Variants in COMP observed in about 807,000 individuals in gnomAD.
COMP encodes the protein cartilage oligomeric matrix protein (pseudoachondroplasia, epiphyseal dysplasia 1, multiple).
A neutral mutation model predicts 95.8 loss-of-function variants in COMP; 79 were observed. The observed-to-expected ratio is 0.82, with a 90% CI of 0.69 to 0.99. The LOEUF (loss-of-function observed/expected upper bound fraction) is 0.99. COMP is among the 50% of genes least tolerant of loss of function. The pLI is 0.00. For synonymous variants in COMP, 438 were observed against 433.9 expected, an observed-to-expected ratio of 1.01 and a Z score of -0.12; for missense variants, 906 against 1,076.1, an observed-to-expected ratio of 0.84 and a Z score of 2.21.
In COMP at chr19:18,789,762, G is replaced by A. The variant is rs1002242685; in HGVS notation, c.390+180C>T. Among the ~76,000 whole-genome samples, 11 of 151,986 alleles carry A rather than the reference G, an allele frequency of 7.2e-5. No homozygotes were observed. The highest frequency in any genetic ancestry group is 2.7e-4 in the African/African-American group (11 of 41,382). ...GGGCGGGCGTCCCGGGTGGTGACGG[G>A]GATGGTCCTTGGGTTGGGCGTCCCC... On this transcript the variant is annotated intron_variant, in intron 4 of 18. Coordinates refer to ENST00000222271, the MANE Select transcript of COMP (RefSeq NM_000095.3). The surrounding 1 kb of genome is among the most constrained non-coding windows in gnomAD (Gnocchi z 6.1).
chr19:18,788,827 A>G lies in COMP; in HGVS notation c.603+12T>C. 1 of 1,613,534 alleles carries G rather than the reference A, an allele frequency of 6.2e-7. No homozygotes were observed. ...CTCCCGCGATCCTTTCTTCCTCCCC[A>G]GCGGGCCTTACCCGGGTGTTGATGC... On this transcript the variant is annotated intron_variant, in intron 6 of 18. Transcript: ENST00000222271. This position sits in a 1 kb window ranked among gnomAD's most constrained non-coding sequence, Gnocchi z 4.7.
In COMP at chr19:18,784,775, G is replaced by T; in HGVS notation, c.1914+121C>A. 8.9e-7 allele frequency: 1 copy of T among 1,118,282 alleles called. No individual in the cohort carries two copies. The highest frequency in any genetic ancestry group is 1.3e-6 in the Non-Finnish European group (1 of 752,742). 69.3% of individuals were successfully genotyped at this position (1,118,282 alleles called of 1,614,324 possible). ...GGGAGCCCAGAGGAGGGCTGGGACA[G>T]CTTTGAGGTCCATAGTATGAGGCTA... On this transcript the variant is annotated intron_variant, in intron 16 of 18. Coordinates refer to ENST00000222271, the MANE Select transcript of COMP (RefSeq NM_000095.3). The surrounding 1 kb of genome is among the most constrained non-coding windows in gnomAD (Gnocchi z 4.9).
Position 18,786,274 on chromosome 19 carries a change from G to A in COMP, c.1272C>T (p.Asp424=). 3 of 1,614,016 alleles carry A rather than the reference G, an allele frequency of 1.9e-6. No homozygotes were observed. In the South Asian group the frequency reaches 3.3e-5, roughly 18 times the overall value. Residue 424 remains aspartate (D), a synonymous_variant, in exon 12 of 19, where the codon GAC becomes GAT. Transcript: ENST00000222271. ...CGCTGTCACAAGCATCTCCCACAAA[G>A]TCGTGGTCCACATCCGCCTGCGGAG... ...SNPDQADVDH[D]FVGDACDSDQ... is the part of the protein sequence containing the mutation.
Position 18,783,046 on chromosome 19 carries a change from C to T in COMP, c.2227+8G>A, listed in dbSNP as rs116499541. 2.5e-3 allele frequency: 4,037 copies of T among 1,612,206 alleles called. 77 individuals carry two copies. In the African/African-American group the frequency reaches 0.046, roughly 18 times the overall value. On this transcript the variant is annotated splice_region_variant and intron_variant, in intron 18 of 18. Coordinates refer to ENST00000222271, the MANE Select transcript of COMP (RefSeq NM_000095.3). ...TCCCCGCCCACGGCCCGCTGGCCCT[C>T]GGCTCACCATTGCAGCGGTAACGCA... is the stretch of plus-strand genomic sequence containing the variant.
Position 18,787,612 on chromosome 19 carries a change from G to A in COMP, c.1014C>T (p.Asn338=), listed in dbSNP as rs188279224. 6.2e-7 allele frequency: 1 copy of A among 1,614,052 alleles called. No homozygotes were observed. Among genetic ancestry groups the A allele is most frequent in the East Asian group, 2.2e-5 (1 of 44,878 alleles). Reference sequence around the variant, plus strand: ...CATCGCCCCACTTGTCCTCGTCCGTGTTGCGCTGGTCTGGGTTCCGCACCA... The same window carrying A: ...CATCGCCCCACTTGTCCTCGTCCGTATTGCGCTGGTCTGGGTTCCGCACCA... ...CPLVRNPDQR[N]TDEDKWGDAC... Residue 338 remains asparagine (N), a synonymous_variant, in exon 10 of 19, where the codon AAC becomes AAT. Transcript: ENST00000222271.
chr19:18,790,281 G>C (rs1200265320), intron 3 of COMP, among the ~76,000 whole-genome samples, 167 bp from the exon 4 acceptor site: 1 of 148,070 alleles, frequency 6.8e-6, no homozygotes, highest in Non-Finnish European at 1.5e-5. Context: ...CAGAGGCTGC[G>C]CGCTCTGACC....
rs529806631 is a variant in COMP, at chr19:18,788,323, G to A, written c.868-4C>T. 534 of 1,610,438 alleles carry A rather than the reference G, an allele frequency of 3.3e-4. 1 individual carries two copies. Among genetic ancestry groups the A allele is most frequent in the Non-Finnish European group, 4.3e-4 (511 of 1,179,646 alleles). ...TGGGCACAGTCACGCAGTTGTCCTG[G>A]GGGCGGGCACAGAAGGTGTGAGGGG... is the stretch of plus-strand genomic sequence containing the variant. On this transcript the variant is annotated splice_region_variant and splice_polypyrimidine_tract_variant and intron_variant, in intron 8 of 18. Coordinates refer to ENST00000222271, the MANE Select transcript of COMP (RefSeq NM_000095.3). The surrounding 1 kb of genome is among the most constrained non-coding windows in gnomAD (Gnocchi z 4.7).
chr19:18,786,300 G>T lies in COMP; in HGVS notation c.1255-9C>A, dbSNP rs765795221. On this transcript the variant is annotated splice_polypyrimidine_tract_variant and intron_variant, in intron 11 of 18. Coordinates refer to ENST00000222271, the MANE Select transcript of COMP (RefSeq NM_000095.3). ...TCGTGGTCCACATCCGCCTGCGGAG[G>T]GCAGCATGCGGGGGTCCATAATCAG... is the stretch of plus-strand genomic sequence containing the variant. The T allele has an allele frequency of 1.2e-6, 2 of 1,613,804 alleles. No individual in the cohort carries two copies. The highest frequency in any genetic ancestry group is 2.2e-5 in the East Asian group (1 of 44,876).
chr19:18,786,191 C>A, intron 12 of COMP, 45 bp from the exon 13 acceptor site: 1 of 1,614,138 alleles, frequency 6.2e-7, no homozygotes, highest in South Asian at 1.1e-5. Flanking sequence ...CTCTCCAGAG[C>A]GTTTTGTCAA....
rs149761573 is a variant in COMP, at chr19:18,783,462, C to T, written c.2088-269G>A. ...GTGAGGCCCCATTTCTAGCTGGATA[C>T]ACACTGTGTGCTGTGTCCTGGCCAG... On this transcript the variant is annotated intron_variant, in intron 17 of 18. Coordinates refer to ENST00000222271, the MANE Select transcript of COMP (RefSeq NM_000095.3). 1.4e-4 allele frequency among the ~76,000 whole-genome samples: 21 copies of T among 152,310 alleles called. No individual in the cohort carries two copies. The East Asian group carries it at 2.9e-3, about 21-fold the overall frequency.
chr19:18,788,095 G>T lies in COMP; in HGVS notation c.975+117C>A. The stretch of plus-strand genomic sequence containing the variant: ...ATTTTTGTATTTTTAGTAGAGGAGG[G>T]GTTTCACCATGATGGCCAGGATGGT... On this transcript the variant is annotated intron_variant, in intron 9 of 18. Transcript: ENST00000222271. This position sits in a 1 kb window ranked among gnomAD's most constrained non-coding sequence, Gnocchi z 4.7. The T allele has an allele frequency of 1.2e-6, 1 of 828,734 alleles. No individual in the cohort carries two copies. The highest frequency in any genetic ancestry group is 2.0e-6 in the Non-Finnish European group (1 of 499,708). The allele number at this position is 828,734 out of a possible 1,614,324, so 51.3% of individuals were successfully genotyped here. A position where few individuals can be genotyped will look rare whatever the true frequency, so the allele number is the denominator to read the frequency against.
rs1051627878 is a variant in COMP at position 18,789,888 on chromosome 19, T to C, written c.390+54A>G. The C allele has an allele frequency of 4.1e-5, 64 of 1,569,748 alleles. No individual in the cohort carries two copies. The African/African-American group carries it at 5.2e-4, about 13-fold the overall frequency. ...AAGGGGTCTCCCGGGCGGCGAGAGA[T>C]TGGGGGGCGGTAGAGGGAGTCGTCA... On this transcript the variant is annotated intron_variant, in intron 4 of 18. Coordinates refer to ENST00000222271, the MANE Select transcript of COMP (RefSeq NM_000095.3). The surrounding 1 kb of genome is among the most constrained non-coding windows in gnomAD (Gnocchi z 6.1).
Position 18,788,706 on chromosome 19 carries a change from G to GC in COMP, c.647_648insG (p.Asp216GlufsTer56), listed in dbSNP as rs1184971630. 6.5e-7 allele frequency: 1 copy of GC among 1,541,324 alleles called. No homozygotes were observed. Among genetic ancestry groups the GC allele is most frequent in the Non-Finnish European group, 8.7e-7 (1 of 1,144,810 alleles). Reference sequence around the variant, plus strand: ...CGCGCCGCTGGCAGCCGGACGCCTGGTCGCCCACGAAGCCGGGCTGGCACG... The same window carrying GC: ...CGCGCCGCTGGCAGCCGGACGCCTGGCTCGCCCACGAAGCCGGGCTGGCACG... On this transcript the variant is annotated frameshift_variant, in exon 7 of 19. Coordinates refer to ENST00000222271, the MANE Select transcript of COMP (RefSeq NM_000095.3). LOFTEE classifies it high-confidence loss of function. The surrounding 1 kb of genome is among the most constrained non-coding windows in gnomAD (Gnocchi z 4.7).
Position 18,788,934 on chromosome 19 carries a change from G to T in COMP, c.529-21C>A. The T allele has an allele frequency of 6.2e-7, 1 of 1,611,902 alleles. No individual in the cohort carries two copies. The highest frequency in any genetic ancestry group is 1.1e-5 in the South Asian group (1 of 90,692). On this transcript the variant is annotated intron_variant, in intron 5 of 18. Transcript: ENST00000222271. The surrounding 1 kb of genome is among the most constrained non-coding windows in gnomAD (Gnocchi z 4.7). Reference sequence around the variant, plus strand: ...CAAACCTAGGGGAGGGGAACTCAGAGGTCACCACCCCACGCAGACACCTCC... The same window carrying T: ...CAAACCTAGGGGAGGGGAACTCAGATGTCACCACCCCACGCAGACACCTCC...
Position 18,790,104 on chromosome 19 carries a change from C to G in COMP, c.228G>C (p.Gln76His). 1 of 1,534,614 alleles carries G rather than the reference C, an allele frequency of 6.5e-7. No homozygotes were observed. Among genetic ancestry groups the G allele is most frequent in the Non-Finnish European group, 8.7e-7 (1 of 1,143,310 alleles). Residue 76 changes from glutamine to histidine, a missense_variant, in exon 4 of 19, where the codon CAG becomes CAC. By Grantham distance (24) the Gln-to-His change is conservative. Transcript: ENST00000222271. ...VMECDACGMQ[Q>H]SVRTGLPSVR... is the part of the protein sequence containing the mutation. ...CGCTGGGTAGGCCGGTGCGTACTGA[C>G]TGCTGCATCCCTGCGGGGGGGAGGG...
Position 18,783,982 on chromosome 19 carries a change from C to T in COMP, c.2087+209G>A, listed in dbSNP as rs572039959. Among the ~76,000 whole-genome samples the T allele has an allele frequency of 5.3e-5, 8 of 152,256 alleles. No homozygotes were observed. In the East Asian group the frequency reaches 7.7e-4, roughly 15 times the overall value. Reference sequence around the variant, plus strand: ...GCTGCCTCGAACTCCTGGGCTCAAGCGATCCTCCCATCTTGGCTTTCCAAA... The same window carrying T: ...GCTGCCTCGAACTCCTGGGCTCAAGTGATCCTCCCATCTTGGCTTTCCAAA... On this transcript the variant is annotated intron_variant, in intron 17 of 18. Transcript: ENST00000222271.
rs1386555402 is a variant in COMP at position 18,790,716 on chromosome 19, A to G, written c.166-103T>C. On this transcript the variant is annotated intron_variant, in intron 2 of 18. Transcript: ENST00000222271. ...CCCTTTCTACAGCCTCTTTTCGCCA[A>G]GGACTCCCTACCCGCCGACCCCCTT... is the stretch of plus-strand genomic sequence containing the variant. 1.5e-5 allele frequency: 24 copies of G among 1,610,260 alleles called. 1 individual carries two copies. The highest frequency in any genetic ancestry group is 1.4e-4 in the South Asian group (13 of 90,984).
intron 3 of COMP, 64 bp from the exon 4 acceptor site, chr19:18,790,178 T>C: frequency 7.9e-7 from 1 of 1,272,094 alleles, no homozygotes; most frequent in Non-Finnish European, 1.1e-6. Flanking sequence ...GCAGAGCCTA[T>C]CATGGCCACG....
At position 18,785,715 on chromosome 19, in the gene COMP, C is replaced by T; in HGVS notation, c.1626G>A (p.Glu542=). ...AGTTGGGGTCAATCTGCGCGTCACC[C>T]TCCGGGTCCAGCACGACTGTCTGGA... ...RAFQTVVLDP[E]GDAQIDPNWV... is the part of the protein sequence containing the mutation. The change falls in exon 14 of 19, where the codon GAG becomes GAA. Residue 542 remains glutamate (E), a synonymous_variant. Coordinates refer to ENST00000222271, the MANE Select transcript of COMP (RefSeq NM_000095.3). 8 of 1,613,504 alleles carry T rather than the reference C, an allele frequency of 5.0e-6. No individual in the cohort carries two copies. The highest frequency in any genetic ancestry group is 6.8e-6 in the Non-Finnish European group (8 of 1,180,036).
Sources: allele counts gnomAD v4.1 joint callset (sites outside exome capture counted in the v4.1 genomes callset), GRCh38; gene constraint gnomAD v4.1.1; non-coding constraint Gnocchi (gnomAD v3.1); transcripts MANE v1.5; gene names NCBI Gene and HGNC (gene_info 2026-07-23, HGNC 2026-07-21).